Variants in STOM observed in about 807,000 individuals in gnomAD.
STOM encodes the protein stomatin.
Under a neutral mutation model 30.6 loss-of-function variants are expected in STOM, and 25 were observed. That is an observed-to-expected ratio of 0.82 (90% CI 0.60 to 1.14). STOM has a LOEUF of 1.14. Ranked by LOEUF, STOM falls within the 50% of genes most tolerant of loss-of-function variation. STOM has a pLI of 0.00. For missense variants in STOM, 292 were observed against 365.2 expected, an observed-to-expected ratio of 0.80 and a Z score of 1.63; for synonymous variants, 118 against 130.8, an observed-to-expected ratio of 0.90 and a Z score of 0.67.
intron 6 of STOM, among the ~76,000 whole-genome samples, chr9:121,347,718 T>A (rs1292174888): frequency 6.6e-6 from 1 of 152,144 alleles, no homozygotes; most frequent in Non-Finnish European, 1.5e-5. Context: ...CCATAGATAT[T>A]AATATTAAAT....
chr9:121,363,219 T>C lies in STOM; in HGVS notation c.61+6908A>G, dbSNP rs544450275. 1.3e-4 allele frequency among the ~76,000 whole-genome samples: 20 copies of C among 152,298 alleles called. No homozygotes were observed. The South Asian group carries it at 2.7e-3, about 21-fold the overall frequency. ...CAAATAAAACACTTCATGTTGTAAA[T>C]TGATGAGAGCAGTCCTGCCTGGATG... On this transcript the variant is annotated intron_variant, in intron 1 of 6. Coordinates refer to ENST00000286713, the MANE Select transcript of STOM (RefSeq NM_004099.6).
At chr9:121,362,279 A>G (rs989407329) in intron 1 of STOM, among the ~76,000 whole-genome samples, 1 of 152,168 alleles carries the variant, frequency 6.6e-6, no homozygotes, top group Non-Finnish European at 1.5e-5. Flanking sequence ...TTATCTCTGG[A>G]TGTTTTTTGC....
At chr9:121,342,505 A>G (rs2064255601) in intron 6 of STOM, among the ~76,000 whole-genome samples, 1 of 152,220 alleles carries the variant, frequency 6.6e-6, no homozygotes, top group Non-Finnish European at 1.5e-5. Context: ...TAATAAAATA[A>G]TTCATGACAA....
chr9:121,349,205 G>A lies in STOM; in HGVS notation c.440C>T (p.Ala147Val). 1 of 1,614,158 alleles carries A rather than the reference G, an allele frequency of 6.2e-7. No individual in the cohort carries two copies. The highest frequency in any genetic ancestry group is 8.5e-7 in the Non-Finnish European group (1 of 1,180,020). ...CAGAACATTCCTCAGAGTAGTTTGTGCCAAAAGACGGGTTGCTGAGTCAGC... is the reference window on the plus strand; with the variant it reads ...CAGAACATTCCTCAGAGTAGTTTGTACCAAAAGACGGGTTGCTGAGTCAGC... ...TNADSATRLL[A>V]QTTLRNVLGT... is the part of the protein sequence containing the mutation. The change falls in exon 5 of 7, where the codon GCA becomes GTA. Residue 147 changes from alanine to valine, a missense_variant. By Grantham distance (64) the Ala-to-Val change is moderately conservative. Coordinates refer to ENST00000286713, the MANE Select transcript of STOM (RefSeq NM_004099.6).
chr9:121,352,314 A>G (rs1042241475), intron 4 of STOM, among the ~76,000 whole-genome samples: 7 of 152,186 alleles, frequency 4.6e-5, no homozygotes, highest in African/African-American at 1.7e-4. Flanking sequence ...ATCATTGTCA[A>G]TTGCTTTTTT....
chr9:121,356,048 T>C lies in STOM; in HGVS notation c.165+5A>G, dbSNP rs745622820. 3.7e-6 allele frequency: 6 copies of C among 1,613,228 alleles called. No individual in the cohort carries two copies. Among genetic ancestry groups the C allele is most frequent in the South Asian group, 1.1e-5 (1 of 90,934 alleles). The stretch of plus-strand genomic sequence containing the variant: ...CTTCCCAGAAGTGAATGAAATGTTC[T>C]TTACCTTTATGCACATCCATATTGA... On this transcript the variant is annotated splice_donor_5th_base_variant and intron_variant, in intron 2 of 6. Coordinates refer to ENST00000286713, the MANE Select transcript of STOM (RefSeq NM_004099.6).
intron 6 of STOM, among the ~76,000 whole-genome samples, chr9:121,343,428 C>G (rs2064263190): frequency 6.6e-6 from 1 of 152,102 alleles, no homozygotes; most frequent in Non-Finnish European, 1.5e-5. Flanking sequence ...TTCTTCAGCT[C>G]CTGGTCAGGT....
chr9:121,369,785 C>A (rs2064545802), intron 1 of STOM: 1 of 300,728 alleles, frequency 3.3e-6, no homozygotes, highest in African/African-American at 2.1e-5. Context: ...GGTCCCGGTC[C>A]CCGCCTCGCT....
intron 6 of STOM, among the ~76,000 whole-genome samples, chr9:121,346,272 G>A (rs1164537435): frequency 6.6e-6 from 1 of 152,214 alleles, no homozygotes; most frequent in African/African-American, 2.4e-5. Context: ...TTACAGACGT[G>A]AGCCACTGTG....
intron 1 of STOM, 186 bp downstream of exon 1, chr9:121,369,941 A>ATCGTGACCTCAGTCTGCCAAACAGGGT: frequency 3.6e-6 from 2 of 556,124 alleles, no homozygotes; most frequent in South Asian, 5.0e-5. Flanking sequence ...CCACCCCTCC[A>ATCGTGACCTCAGTCTGCCAAACAGGGT]TCGTGACCTC....
intron 1 of STOM, among the ~76,000 whole-genome samples, chr9:121,366,810 G>T (rs968096327): frequency 6.6e-6 from 1 of 152,078 alleles, no homozygotes; most frequent in Non-Finnish European, 1.5e-5. Context: ...TGGTCTAAAG[G>T]CCAGGCTTGG....
rs1461538561 is a variant in STOM at position 121,340,147 on chromosome 9, G to A, written c.*1055C>T. 2 of 985,342 alleles carry A rather than the reference G, an allele frequency of 2.0e-6. No individual in the cohort carries two copies. Among genetic ancestry groups the A allele is most frequent in the Non-Finnish European group, 2.4e-6 (2 of 829,866 alleles). 61.0% of individuals were successfully genotyped at this position (985,342 alleles called of 1,614,324 possible). ...GATATATGAAAATAGGCAACAGTGA[G>A]AAAAAAGCACTTTTGTGACAAATAT... On this transcript the variant is annotated 3_prime_UTR_variant, in exon 7 of 7. Coordinates refer to ENST00000286713, the MANE Select transcript of STOM (RefSeq NM_004099.6).
chr9:121,362,540 C>T (rs1468996056), intron 1 of STOM, among the ~76,000 whole-genome samples: 1 of 152,118 alleles, frequency 6.6e-6, no homozygotes, highest in Non-Finnish European at 1.5e-5. Flanking sequence ...TCTGTACCTG[C>T]TTATTTCCTG....
intron 5 of STOM, among the ~76,000 whole-genome samples, chr9:121,348,416 C>T (rs948776954): frequency 9.9e-5 from 15 of 152,200 alleles, no homozygotes; most frequent in African/African-American, 3.1e-4. Flanking sequence ...CTATTTAACC[C>T]AGCTGTTGTA....
chr9:121,352,137 G>C (rs1181839327), intron 4 of STOM, among the ~76,000 whole-genome samples: 2 of 152,102 alleles, frequency 1.3e-5, no homozygotes, highest in African/African-American at 4.8e-5. Flanking sequence ...CAAAATCCAA[G>C]GATGCTCAAG....
chr9:121,357,796 C>T (rs2064409986), intron 1 of STOM, among the ~76,000 whole-genome samples: 2 of 152,014 alleles, frequency 1.3e-5, no homozygotes, highest in Admixed American at 1.3e-4. Context: ...TTTTTCTTCC[C>T]TGTAGCTATT....
At chr9:121,348,564 C>T (rs1173597667) in intron 5 of STOM, among the ~76,000 whole-genome samples, 2 of 152,224 alleles carry the variant, frequency 1.3e-5, no homozygotes, top group East Asian at 3.8e-4. Flanking sequence ...AGTCATATTA[C>T]TCCTTTGTGC....
Position 121,340,244 on chromosome 9 carries a change from GGATGTATTTTTAA to G in STOM, c.*945_*957del, listed in dbSNP as rs2064234048. On this transcript the variant is annotated 3_prime_UTR_variant, in exon 7 of 7. Transcript: ENST00000286713. ...AGAAGGCTCAAATAAGTTAAAACATGGATGTATTTTTAAAATGACCACTCTAGTAGTGAATTTA... is the reference window on the plus strand; with the variant it reads ...AGAAGGCTCAAATAAGTTAAAACATGAATGACCACTCTAGTAGTGAATTTA... The G allele has an allele frequency of 5.1e-6, 5 of 985,158 alleles. No homozygotes were observed. The South Asian group carries it at 2.3e-4, about 46-fold the overall frequency. The allele number at this position is 985,158 out of a possible 1,614,324, so 61.0% of individuals were successfully genotyped here.
intron 6 of STOM, among the ~76,000 whole-genome samples, chr9:121,344,482 G>A (rs1275728069): frequency 6.6e-6 from 1 of 152,160 alleles, no homozygotes; most frequent in Non-Finnish European, 1.5e-5. Flanking sequence ...GCCACACTGA[G>A]CAAGCTGCCA....
Sources: gnomAD v4.1 joint callset for allele counts (sites outside exome capture counted in the v4.1 genomes callset) on GRCh38, gnomAD v4.1.1 for gene constraint, MANE v1.5 for transcripts, NCBI Gene and HGNC (gene_info 2026-07-23, HGNC 2026-07-21) for gene names.